ARFGEF1: variants seen among roughly 807,000 people sequenced by gnomAD.
ARFGEF1 encodes the protein ARF guanine nucleotide exchange factor 1.
In ARFGEF1, 42 loss-of-function variants were observed where a neutral mutation model predicts 231.0. That is an observed-to-expected ratio of 0.18 (90% CI 0.14 to 0.24). The LOEUF (loss-of-function observed/expected upper bound fraction) is 0.24, where lower values mean the gene tolerates loss of function less well. ARFGEF1 is among the 10% of genes least tolerant of loss of function. The probability of loss-of-function intolerance (pLI) is 1.00; values close to 1 mark genes in which losing one functional copy is unlikely to be tolerated. For synonymous variants in ARFGEF1, 710 were observed against 732.3 expected, an observed-to-expected ratio of 0.97 and a Z score of 0.49; for missense variants, 1,345 against 2,192.0, an observed-to-expected ratio of 0.61 and a Z score of 7.72.
chr8:67,222,225 GTATATGTATGTATGTA>G (rs1839213000), intron 29 of ARFGEF1, among the ~76,000 whole-genome samples: 16 of 64,076 alleles, frequency 2.5e-4, no homozygotes, highest in African/African-American at 7.9e-4. Context: ...ATATATATAT[GTATATGTATGTATGTA>G]TGTATGTATG....
At chr8:67,333,895 T>G (rs1808218565) in intron 1 of ARFGEF1, among the ~76,000 whole-genome samples, 1 of 152,110 alleles carries the variant, frequency 6.6e-6, no homozygotes, top group South Asian at 2.1e-4. Context: ...CCCAGCACTT[T>G]GGGAGGCCAA....
chr8:67,285,788 A>G (rs2128906195), intron 7 of ARFGEF1, among the ~76,000 whole-genome samples: 1 of 152,322 alleles, frequency 6.6e-6, no homozygotes, highest in East Asian at 1.9e-4. Context: ...CATGTAGATG[A>G]CAATCTCAAT....
chr8:67,315,468 A>G (rs1237103676), intron 1 of ARFGEF1, among the ~76,000 whole-genome samples: 1 of 152,232 alleles, frequency 6.6e-6, no homozygotes, highest in African/African-American at 2.4e-5. Flanking sequence ...TCCATGGAAC[A>G]TTCACCAAGA....
At chr8:67,311,712 C>T (rs912358144) in intron 1 of ARFGEF1, among the ~76,000 whole-genome samples, 1 of 152,212 alleles carries the variant, frequency 6.6e-6, no homozygotes, top group African/African-American at 2.4e-5. Context: ...CCCTTCTGCC[C>T]GGCCACCACC....
At chr8:67,330,101 A>G (rs1451687532) in intron 1 of ARFGEF1, among the ~76,000 whole-genome samples, 1 of 152,168 alleles carries the variant, frequency 6.6e-6, no homozygotes, top group Non-Finnish European at 1.5e-5. Flanking sequence ...AGAAAAAGCA[A>G]TCAAACAAAA....
At chr8:67,333,040 C>CT (rs111581499) in intron 1 of ARFGEF1, among the ~76,000 whole-genome samples, 25,053 of 141,832 alleles carry the variant, frequency 0.18, 3,738 homozygotes, top group African/African-American at 0.41. Flanking sequence ...AAATTAAATA[C>CT]TTTTTTTTTT....
Position 67,253,622 on chromosome 8 carries a change from C to A in ARFGEF1, c.2527G>T (p.Val843Leu). Residue 843 changes from valine to leucine, a missense_variant and splice_region_variant, in exon 18 of 39, where the codon GTG becomes TTG. Transcript: ENST00000262215. ...TGTTCCTTTGTCATTTTATTTTTCA[C>A]CTAGATATGAAAAACCATTATAATT... ...MLTTDLHSPQ[V>L]KNKMTKEQYI... 7.0e-7 allele frequency: 1 copy of A among 1,426,496 alleles called. No individual in the cohort carries two copies. Among genetic ancestry groups the A allele is most frequent in the South Asian group, 1.5e-5 (1 of 67,048 alleles). 88.4% of individuals were successfully genotyped at this position (1,426,496 alleles called of 1,614,324 possible).
At chr8:67,301,430 G>A (rs975886707) in intron 2 of ARFGEF1, 50 bp from the exon 3 acceptor site, 5 of 1,533,168 alleles carry the variant, frequency 3.3e-6, no homozygotes, top group Non-Finnish European at 4.4e-6. Context: ...TTATAATATT[G>A]ATAATAAACC....
Position 67,226,089 on chromosome 8 carries a change from TG to T in ARFGEF1, c.4010del (p.Pro1337GlnfsTer33). ...LSEFACNAAF[P>X]DTSMEAIRLI... Reference sequence around the variant, plus strand: ...GTCGAATTGCTTCCATACTTGTGTCTGGGAAAGCTGCATTGCACGCAAATTC... The same window carrying T: ...GTCGAATTGCTTCCATACTTGTGTCTGGAAAGCTGCATTGCACGCAAATTC... On this transcript the variant is annotated frameshift_variant, in exon 28 of 39. Transcript: ENST00000262215. LOFTEE classifies it high-confidence loss of function. 6.2e-7 allele frequency: 1 copy of T among 1,613,438 alleles called. No homozygotes were observed.
intron 29 of ARFGEF1, among the ~76,000 whole-genome samples, chr8:67,221,857 A>C (rs1202424224): frequency 6.7e-6 from 1 of 148,706 alleles, no homozygotes; most frequent in Non-Finnish European, 1.5e-5. Flanking sequence ...TCTGTCGCCC[A>C]GGCTGGAGTG....
At chr8:67,220,135 GC>G (rs1839097631) in intron 29 of ARFGEF1, among the ~76,000 whole-genome samples, 1 of 152,202 alleles carries the variant, frequency 6.6e-6, no homozygotes, top group Non-Finnish European at 1.5e-5. Context: ...TGCCTGGGAG[GC>G]AAGCAATAAA....
chr8:67,217,742 T>C, intron 32 of ARFGEF1, 40 bp downstream of exon 32: 1 of 1,595,098 alleles, frequency 6.3e-7, no homozygotes, highest in Non-Finnish European at 8.6e-7. Flanking sequence ...ACTCATTCAA[T>C]ATACAAATAT....
intron 6 of ARFGEF1, among the ~76,000 whole-genome samples, chr8:67,288,732 CA>C (rs958970380): frequency 3.2e-4 from 45 of 142,382 alleles, no homozygotes; most frequent in African/African-American, 3.6e-4. Context: ...GACGACGTCT[CA>C]AAAAAAAAAA....
chr8:67,185,923 A>G lies in ARFGEF1; in HGVS notation c.561-10351T>C, dbSNP rs914271407. Reference sequence around the variant, plus strand: ...TCAAAAAAACAGGAAAAAACTCCTAAAACACCAAAAGGACCTAGTTCTGTA... The same window carrying G: ...TCAAAAAAACAGGAAAAAACTCCTAGAACACCAAAAGGACCTAGTTCTGTA... On this transcript the variant is annotated intron_variant, in intron 5 of 5. Coordinates refer to the ARFGEF1 transcript ENST00000518789. Among the ~76,000 whole-genome samples the G allele has an allele frequency of 2.6e-5, 4 of 152,280 alleles. No homozygotes were observed. In the South Asian group the frequency reaches 6.2e-4, roughly 24 times the overall value.
At chr8:67,264,225 G>T (rs1332683444) in intron 14 of ARFGEF1, among the ~76,000 whole-genome samples, 1 of 152,132 alleles carries the variant, frequency 6.6e-6, no homozygotes, top group African/African-American at 2.4e-5. Context: ...TAAGCCAATT[G>T]AAAGATTATA....
chr8:67,301,505 T>C lies in ARFGEF1; in HGVS notation c.156-125A>G, dbSNP rs1351288745. ...GCTAAACCAGTCCTCTATCTTCCCA[T>C]ATTTCGAGAGGAAACCCAAGCCCAG... On this transcript the variant is annotated intron_variant, in intron 2 of 38. Transcript: ENST00000262215. The C allele has an allele frequency of 1.6e-5, 17 of 1,047,978 alleles. No homozygotes were observed. The Admixed American group carries it at 5.4e-4, about 33-fold the overall frequency. The allele number at this position is 1,047,978 out of a possible 1,614,324, so 64.9% of individuals were successfully genotyped here.
intron 5 of ARFGEF1, among the ~76,000 whole-genome samples, chr8:67,294,481 T>C (rs992877311): frequency 2.0e-5 from 3 of 152,150 alleles, no homozygotes; most frequent in African/African-American, 4.8e-5. Context: ...AACCTGAATA[T>C]AAATGCTATA....
At chr8:67,315,970 T>C (rs1177139617) in intron 1 of ARFGEF1, among the ~76,000 whole-genome samples, 1 of 150,714 alleles carries the variant, frequency 6.6e-6, no homozygotes, top group Non-Finnish European at 1.5e-5. Flanking sequence ...GGAAAAATAA[T>C]AAATACAAGA....
chr8:67,210,678 T>G (rs7006064), intron 34 of ARFGEF1, among the ~76,000 whole-genome samples: 15,313 of 152,038 alleles, frequency 0.1, 957 homozygotes, highest in African/African-American at 0.18. Flanking sequence ...AGCTGACATT[T>G]CAGGATCAGC....
Sources: gnomAD v4.1 joint callset for allele counts (sites outside exome capture counted in the v4.1 genomes callset) on GRCh38, gnomAD v4.1.1 for gene constraint, MANE v1.5 for transcripts, NCBI Gene and HGNC (gene_info 2026-07-23, HGNC 2026-07-21) for gene names.